The following ACKR4 variants were observed in gnomAD, a reference collection of about 807,000 sequenced individuals.
ACKR4 encodes the protein C-C CKR-11.
A neutral mutation model predicts 8.5 loss-of-function variants in ACKR4; 2 were observed. The ratio of observed to expected loss-of-function variants is 0.23; its 90% CI spans 0.10 to 0.74. ACKR4 has a LOEUF of 0.74. ACKR4 is among the 30% of genes least tolerant of loss of function. The pLI is 0.75. For synonymous variants in ACKR4, 67 were observed against 145.0 expected (o/e 0.46, Z 3.86); for missense variants, 167 against 422.1 (o/e 0.40, Z 5.30).
chr3:132,600,462 A>G lies in ACKR4; in HGVS notation c.65A>G (p.Tyr22Cys). The G allele has an allele frequency of 1.2e-6, 2 of 1,613,340 alleles. No homozygotes were observed. Among genetic ancestry groups the G allele is most frequent in the Non-Finnish European group, 1.7e-6 (2 of 1,179,644 alleles). The change falls in exon 2 of 2, where the codon TAT (tyrosine) becomes TGT (cysteine). Residue 22 changes from tyrosine (Y) to cysteine (C), a missense_variant. This residue lies in a region of ACKR4 where 149 missense variants were observed against 281.9 expected (regional missense o/e 0.53). Coordinates refer to ENST00000249887, the MANE Select transcript of ACKR4 (RefSeq NM_016557.4). Reference sequence around the variant, plus strand: ...GAGGAAAATGAAATGAATGGCACTTATGACTACAGTCAATATGAACTGATC... The same window carrying G: ...GAGGAAAATGAAATGAATGGCACTTGTGACTACAGTCAATATGAACTGATC... ...YYEENEMNGT[Y>C]DYSQYELICI...
At chr3:132,597,615 G>C (rs948831484) in intron 1 of ACKR4, among the ~76,000 whole-genome samples, 1 of 151,596 alleles carries the variant, frequency 6.6e-6, no homozygotes, top group Non-Finnish European at 1.5e-5. Context: ...TACAAGTACT[G>C]ATTTTTTTTT....
intron 1 of ACKR4, among the ~76,000 whole-genome samples, chr3:132,598,492 T>G (rs1938414096): frequency 6.6e-6 from 1 of 152,210 alleles, no homozygotes; most frequent in Admixed American, 6.5e-5. Flanking sequence ...AGGTCATGCT[T>G]TGAGGAACTT....
At chr3:132,598,408 T>C (rs542596992) in intron 1 of ACKR4, among the ~76,000 whole-genome samples, 1 of 152,330 alleles carries the variant, frequency 6.6e-6, no homozygotes, top group East Asian at 1.9e-4. Context: ...AGCTTTAATT[T>C]GACAAATATT....
At chr3:132,600,331 T>G in intron 1 of ACKR4, 58 bp from the exon 2 acceptor site, 1 of 1,389,046 alleles carries the variant, frequency 7.2e-7, no homozygotes, top group Non-Finnish European at 9.6e-7. Flanking sequence ...TGATAAAAAC[T>G]GTTTCCTTTT....
intron 1 of ACKR4, among the ~76,000 whole-genome samples, chr3:132,597,953 A>C (rs1237618823): frequency 6.6e-6 from 1 of 152,182 alleles, no homozygotes; most frequent in Non-Finnish European, 1.5e-5. Flanking sequence ...CATTTAAAAA[A>C]GTTGGCACCC....
chr3:132,602,430 C>T lies in ACKR4; in HGVS notation c.*980C>T, dbSNP rs1015477673. Among the ~76,000 whole-genome samples, 3 of 152,084 alleles carry T rather than the reference C, an allele frequency of 2.0e-5. No individual in the cohort carries two copies. Among genetic ancestry groups the T allele is most frequent in the South Asian group, 2.1e-4 (1 of 4,818 alleles). Reference sequence around the variant, plus strand: ...TCTGTTTATACAAGTCTACCACTGCCGATTGACTAAAAAATACATTATCCC... The same window carrying T: ...TCTGTTTATACAAGTCTACCACTGCTGATTGACTAAAAAATACATTATCCC... On this transcript the variant is annotated 3_prime_UTR_variant, in exon 2 of 2. Coordinates refer to ENST00000249887, the MANE Select transcript of ACKR4 (RefSeq NM_016557.4).
In ACKR4 at chr3:132,602,422, A is replaced by G. The variant is rs1188732088; in HGVS notation, c.*972A>G. On this transcript the variant is annotated 3_prime_UTR_variant, in exon 2 of 2. Coordinates refer to ENST00000249887, the MANE Select transcript of ACKR4 (RefSeq NM_016557.4). ...AGAATTCATCTGTTTATACAAGTCT[A>G]CCACTGCCGATTGACTAAAAAATAC... Among the ~76,000 whole-genome samples, 1 of 152,144 alleles carries G rather than the reference A, an allele frequency of 6.6e-6. No individual in the cohort carries two copies. Among genetic ancestry groups the G allele is most frequent in the Non-Finnish European group, 1.5e-5 (1 of 68,008 alleles).
At position 132,600,855 on chromosome 3, in the gene ACKR4, C is replaced by T; in HGVS notation, c.458C>T (p.Pro153Leu). Reference sequence around the variant, plus strand: ...CCCAGCCAATCAGGAGTGGGAAAACCATGCTGGATCATCTGTTTCTGTGTC... The same window carrying T: ...CCCAGCCAATCAGGAGTGGGAAAACTATGCTGGATCATCTGTTTCTGTGTC... ...KVPSQSGVGKPCWIICFCVWM... is the reference protein window; with the variant it reads ...KVPSQSGVGKLCWIICFCVWM... Residue 153 changes from proline to leucine, a missense_variant, in exon 2 of 2, where the codon CCA becomes CTA. Pro to Leu is a moderately conservative substitution (Grantham distance 98). This residue lies in a region of ACKR4 where 149 missense variants were observed against 281.9 expected (regional missense o/e 0.53). Transcript: ENST00000249887. The T allele has an allele frequency of 1.9e-6, 3 of 1,613,962 alleles. No individual in the cohort carries two copies. Among genetic ancestry groups the T allele is most frequent in the Non-Finnish European group, 1.7e-6 (2 of 1,179,872 alleles).
At position 132,601,107 on chromosome 3, in the gene ACKR4, G is replaced by A. The variant is rs749074078; in HGVS notation, c.710G>A (p.Arg237Gln). 7.4e-6 allele frequency: 12 copies of A among 1,613,402 alleles called. No homozygotes were observed. Among genetic ancestry groups the A allele is most frequent in the South Asian group, 3.3e-5 (3 of 91,012 alleles). ...AAGATGCCAAACATTAAAATATCTC[G>A]ACCCCTAAAAGTTCTGCTCACAGTC... Reference protein sequence around the residue: ...LMKMPNIKISRPLKVLLTVVI... With the variant: ...LMKMPNIKISQPLKVLLTVVI... The change falls in exon 2 of 2, where the codon CGA becomes CAA. Residue 237 changes from arginine to glutamine, a missense_variant. Physicochemically the swap from Arg to Gln is conservative, Grantham distance 43 (BLOSUM62 1). Coordinates refer to ENST00000249887, the MANE Select transcript of ACKR4 (RefSeq NM_016557.4).
chr3:132,598,129 T>A (rs556062688), intron 1 of ACKR4, among the ~76,000 whole-genome samples: 1 of 152,274 alleles, frequency 6.6e-6, no homozygotes, highest in South Asian at 2.1e-4. Flanking sequence ...CATTATTGAT[T>A]CTATAAGAAT....
Position 132,600,580 on chromosome 3 carries a change from G to T in ACKR4, c.183G>T (p.Met61Ile). 2 of 1,613,906 alleles carry T rather than the reference G, an allele frequency of 1.2e-6. No homozygotes were observed. Among genetic ancestry groups the T allele is most frequent in the South Asian group, 1.1e-5 (1 of 91,056 alleles). Residue 61 changes from methionine to isoleucine, a missense_variant, in exon 2 of 2, where the codon ATG becomes ATT. Around this residue, in one of 2 missense-constraint regions of ACKR4, gnomAD observed 149 missense variants for 281.9 expected, o/e 0.53. Transcript: ENST00000249887. ...VFVIGLAGNS[M>I]VVAIYAYYKK... ...TCATTGGACTTGCAGGCAATTCCATGGTAGTGGCAATTTATGCCTATTACA... is the reference window on the plus strand; with the variant it reads ...TCATTGGACTTGCAGGCAATTCCATTGTAGTGGCAATTTATGCCTATTACA...
chr3:132,599,167 A>G (rs779797049), intron 1 of ACKR4, among the ~76,000 whole-genome samples: 11 of 152,076 alleles, frequency 7.2e-5, no homozygotes, highest in Non-Finnish European at 1.5e-5. Context: ...ACAAAAAGTT[A>G]TACAGACTCA....
rs757309992 is a variant in ACKR4, at chr3:132,601,079, A to G, written c.682A>G (p.Met228Val). ...CTACTTTATCACAGCAAGGACACTCATGAAGATGCCAAACATTAAAATATC... is the reference window on the plus strand; with the variant it reads ...CTACTTTATCACAGCAAGGACACTCGTGAAGATGCCAAACATTAAAATATC... Reference protein sequence around the residue: ...VCYFITARTLMKMPNIKISRP... With the variant: ...VCYFITARTLVKMPNIKISRP... The change falls in exon 2 of 2, where the codon ATG (methionine) becomes GTG (valine). Residue 228 changes from methionine (M) to valine (V), a missense_variant. Met to Val is a conservative substitution (Grantham distance 21). Coordinates refer to ENST00000249887, the MANE Select transcript of ACKR4 (RefSeq NM_016557.4). 6.2e-7 allele frequency: 1 copy of G among 1,613,830 alleles called. No homozygotes were observed. The highest frequency in any genetic ancestry group is 1.1e-5 in the South Asian group (1 of 91,072).
At position 132,600,925 on chromosome 3, in the gene ACKR4, TAC is replaced by T. The variant is rs1938556864; in HGVS notation, c.530_531del (p.Thr177SerfsTer3). The T allele has an allele frequency of 2.5e-6, 4 of 1,611,810 alleles. No homozygotes were observed. Among genetic ancestry groups the T allele is most frequent in the Non-Finnish European group, 3.4e-6 (4 of 1,178,718 alleles). On this transcript the variant is annotated frameshift_variant, in exon 2 of 2. Coordinates refer to ENST00000249887, the MANE Select transcript of ACKR4 (RefSeq NM_016557.4). LOFTEE classifies it low-confidence loss of function (END_TRUNC). ...LLSIPQLVFY[T>X]VNDNARCIPI... ...TGAGCATACCCCAGCTGGTTTTTTATACAGTAAATGACAATGCTAGGTGCATT... is the reference window on the plus strand; with the variant it reads ...TGAGCATACCCCAGCTGGTTTTTTATAGTAAATGACAATGCTAGGTGCATT...
At chr3:132,599,289 C>G (rs561081052) in intron 1 of ACKR4, among the ~76,000 whole-genome samples, 1 of 152,002 alleles carries the variant, frequency 6.6e-6, no homozygotes, top group Non-Finnish European at 1.5e-5. Context: ...AGGTGGATCA[C>G]GAGGTCAGGA....
Position 132,601,294 on chromosome 3 carries a change from C to T in ACKR4, c.897C>T (p.Asn299=). The stretch of plus-strand genomic sequence containing the variant: ...TCGCACTCTTTCACAGCTGCCTCAA[C>T]CCAATCCTTTATGTTTTTATGGGAG... ...ESIALFHSCL[N]PILYVFMGAS... is the part of the protein sequence containing the mutation. The change falls in exon 2 of 2, where the codon AAC becomes AAT. Residue 299 remains asparagine (N), a synonymous_variant. Coordinates refer to ENST00000249887, the MANE Select transcript of ACKR4 (RefSeq NM_016557.4). The T allele has an allele frequency of 6.2e-7, 1 of 1,613,926 alleles. No homozygotes were observed. Among genetic ancestry groups the T allele is most frequent in the Non-Finnish European group, 8.5e-7 (1 of 1,179,842 alleles).
chr3:132,601,062 T>G lies in ACKR4; in HGVS notation c.665T>G (p.Ile222Ser), dbSNP rs763334011. The G allele has an allele frequency of 6.2e-7, 1 of 1,614,018 alleles. No homozygotes were observed. The highest frequency in any genetic ancestry group is 8.5e-7 in the Non-Finnish European group (1 of 1,179,872). ...CTTATTATGGGGGTGTGCTACTTTA[T>G]CACAGCAAGGACACTCATGAAGATG... ...PFLIMGVCYF[I>S]TARTLMKMPN... Residue 222 changes from isoleucine (I) to serine (S), a missense_variant, in exon 2 of 2, where the codon ATC (isoleucine) becomes AGC (serine). Ile to Ser is a moderately radical substitution (Grantham distance 142). Coordinates refer to ENST00000249887, the MANE Select transcript of ACKR4 (RefSeq NM_016557.4).
At position 132,600,383 on chromosome 3, in the gene ACKR4, A is replaced by G. The variant is rs1219959553; in HGVS notation, c.-9-6A>G. 1.8e-5 allele frequency: 28 copies of G among 1,566,410 alleles called. No homozygotes were observed. Among genetic ancestry groups the G allele is most frequent in the South Asian group, 2.4e-5 (2 of 82,504 alleles). ...ATATCTATCCTGTATTCTCTTTGCC[A>G]TCTAGATTGGAGCCATGGCTTTGGA... On this transcript the variant is annotated splice_polypyrimidine_tract_variant and splice_region_variant and intron_variant, in intron 1 of 1. Coordinates refer to ENST00000249887, the MANE Select transcript of ACKR4 (RefSeq NM_016557.4).
intron 1 of ACKR4, among the ~76,000 whole-genome samples, chr3:132,599,025 C>T (rs1308996933): frequency 6.6e-6 from 1 of 152,164 alleles, no homozygotes; most frequent in Admixed American, 6.5e-5. Context: ...TAGAAAGATA[C>T]TGCTTGGCCA....
Sources: allele counts gnomAD v4.1 joint callset (sites outside exome capture counted in the v4.1 genomes callset), GRCh38; gene constraint gnomAD v4.1.1; regional missense constraint gnomAD v4.1.1; transcripts MANE v1.5; gene names NCBI Gene and HGNC (gene_info 2026-07-23, HGNC 2026-07-21).